The following MAN1C1 variants were observed in gnomAD, a reference collection of about 807,000 sequenced individuals.
MAN1C1 encodes the protein mannosyl-oligosaccharide 1,2-alpha-mannosidase IC.
A neutral mutation model predicts 71.5 loss-of-function variants in MAN1C1; 49 were observed. The ratio of observed to expected loss-of-function variants is 0.69; its 90% CI spans 0.54 to 0.87. The LOEUF (loss-of-function observed/expected upper bound fraction) is 0.87. MAN1C1 is among the 40% of genes least tolerant of loss of function. MAN1C1 has a pLI of 0.00. For missense variants in MAN1C1, 743 were observed against 835.0 expected (o/e 0.89, Z 1.36); for synonymous variants, 352 against 343.7 (o/e 1.02, Z -0.27).
At chr1:25,674,225 T>C (rs1297688731) in intron 1 of MAN1C1, among the ~76,000 whole-genome samples, 1 of 152,360 alleles carries the variant, frequency 6.6e-6, no homozygotes, top group African/African-American at 2.4e-5. Context: ...ATTGGGCCTT[T>C]GATAAATCCT....
At chr1:25,626,977 T>C (rs537218785) in intron 1 of MAN1C1, among the ~76,000 whole-genome samples, 1 of 152,354 alleles carries the variant, frequency 6.6e-6, no homozygotes, top group Admixed American at 6.5e-5. Flanking sequence ...AGGTTATGAA[T>C]ATTTTTTAAT....
chr1:25,622,411 T>C (rs2045228460), intron 1 of MAN1C1, among the ~76,000 whole-genome samples: 1 of 152,208 alleles, frequency 6.6e-6, no homozygotes, highest in Non-Finnish European at 1.5e-5. Flanking sequence ...GGTCTGACAT[T>C]TAGTTGGAAC....
intron 1 of MAN1C1, among the ~76,000 whole-genome samples, chr1:25,675,593 G>T (rs993735558): frequency 2.2e-4 from 32 of 143,282 alleles, no homozygotes; most frequent in South Asian, 1.7e-3. Context: ...GCGGGGGGGG[G>T]GGGAGGTGGT....
intron 2 of MAN1C1, among the ~76,000 whole-genome samples, chr1:25,744,822 A>G (rs1238035727): frequency 6.6e-6 from 1 of 152,200 alleles, no homozygotes; most frequent in Non-Finnish European, 1.5e-5. Context: ...CGCAAAGCCC[A>G]CGCTGCAGAC....
intron 1 of MAN1C1, among the ~76,000 whole-genome samples, chr1:25,654,034 G>A (rs1439525282): frequency 2.6e-5 from 4 of 152,150 alleles, no homozygotes; most frequent in South Asian, 2.1e-4. Context: ...CAGCAGTGCC[G>A]GGACTGGGAA....
chr1:25,658,510 G>A (rs968749894), intron 1 of MAN1C1, among the ~76,000 whole-genome samples: 16 of 152,022 alleles, frequency 1.1e-4, no homozygotes, highest in African/African-American at 3.6e-4. Context: ...GAATACAGTG[G>A]CACCATCTCA....
At position 25,702,021 on chromosome 1, in the gene MAN1C1, CG is replaced by C. The variant is rs369974566; in HGVS notation, c.637+15487del. ...GTTGCAGTGAGCCTAGATCTCACCG[CG>C]GCACTCCAGCCTGGGTGACAGAGCT... On this transcript the variant is annotated intron_variant, in intron 2 of 11. Coordinates refer to ENST00000374332, the MANE Select transcript of MAN1C1 (RefSeq NM_020379.4). Among the ~76,000 whole-genome samples, 746 of 152,266 alleles carry C rather than the reference CG, an allele frequency of 4.9e-3. 3 individuals carry two copies. The highest frequency in any genetic ancestry group is 6.6e-3 in the Non-Finnish European group (450 of 68,030).
chr1:25,618,615 GGT>G (rs1196384011), intron 1 of MAN1C1, among the ~76,000 whole-genome samples: 4 of 151,846 alleles, frequency 2.6e-5, no homozygotes, highest in African/African-American at 9.7e-5. Context: ...CCCAGACTCT[GGT>G]ATGTCGTATC....
At chr1:25,688,750 A>G (rs1227167919) in intron 2 of MAN1C1, among the ~76,000 whole-genome samples, 1 of 152,230 alleles carries the variant, frequency 6.6e-6, no homozygotes, top group Non-Finnish European at 1.5e-5. Flanking sequence ...CTGTTAGTTC[A>G]TCATTCATAT....
In MAN1C1 at chr1:25,769,094, C is replaced by T. The variant is rs950237685; in HGVS notation, c.1142-2563C>T. Among the ~76,000 whole-genome samples, 11 of 146,598 alleles carry T rather than the reference C, an allele frequency of 7.5e-5. No homozygotes were observed. Among genetic ancestry groups the T allele is most frequent in the Admixed American group, 4.7e-4 (7 of 14,758 alleles). ...CACTCCCACACACACACCTATCACC[C>T]ACACTCCCTCCCACACACACACCAC... is the stretch of plus-strand genomic sequence containing the variant. On this transcript the variant is annotated intron_variant, in intron 7 of 11. Transcript: ENST00000374332. The surrounding 1 kb of genome is among the most constrained non-coding windows in gnomAD (Gnocchi z 4.8).
At chr1:25,756,790 G>A (rs1267179998) in intron 5 of MAN1C1, among the ~76,000 whole-genome samples, 1 of 152,140 alleles carries the variant, frequency 6.6e-6, no homozygotes, top group Non-Finnish European at 1.5e-5. Flanking sequence ...CCTTTGCATA[G>A]GGGTATGAAT....
chr1:25,731,138 G>A (rs2046903459), intron 2 of MAN1C1, among the ~76,000 whole-genome samples: 1 of 152,194 alleles, frequency 6.6e-6, no homozygotes, highest in African/African-American at 2.4e-5. Context: ...GCAACATGGC[G>A]AAACCCCGTC....
At chr1:25,687,188 C>T (rs1333559865) in intron 2 of MAN1C1, among the ~76,000 whole-genome samples, 1 of 152,202 alleles carries the variant, frequency 6.6e-6, no homozygotes, top group African/African-American at 2.4e-5. Flanking sequence ...GGAGCAGCCG[C>T]ACATCAGGAG....
chr1:25,697,223 A>G (rs1050025878), intron 2 of MAN1C1, among the ~76,000 whole-genome samples: 1 of 152,062 alleles, frequency 6.6e-6, no homozygotes. Flanking sequence ...GGCAACCACT[A>G]ATCTACTTTC....
intron 1 of MAN1C1, among the ~76,000 whole-genome samples, chr1:25,653,425 C>G (rs2045720503): frequency 6.6e-6 from 1 of 152,188 alleles, no homozygotes; most frequent in Non-Finnish European, 1.5e-5. Flanking sequence ...TACTGCTGGT[C>G]CCTTATTAGG....
intron 7 of MAN1C1, among the ~76,000 whole-genome samples, chr1:25,771,296 A>C (rs1181490391): frequency 2.0e-5 from 3 of 152,250 alleles, no homozygotes; most frequent in African/African-American, 7.2e-5. Context: ...CTGGGTAATA[A>C]AAATCTCTGA....
intron 7 of MAN1C1, among the ~76,000 whole-genome samples, chr1:25,768,555 C>T (rs1429641455): frequency 2.5e-5 from 2 of 79,710 alleles, no homozygotes; most frequent in Admixed American, 1.3e-4. Context: ...ACCACACACA[C>T]ATTACATACA....
At chr1:25,720,546 G>A (rs192666131) in intron 2 of MAN1C1, among the ~76,000 whole-genome samples, 4 of 152,288 alleles carry the variant, frequency 2.6e-5, no homozygotes, top group African/African-American at 9.6e-5. Context: ...TTGTTGAGCT[G>A]TAGAAGTTCT....
chr1:25,686,756 CTG>C (rs1425658590), intron 2 of MAN1C1, among the ~76,000 whole-genome samples: 1 of 152,114 alleles, frequency 6.6e-6, no homozygotes, highest in East Asian at 1.9e-4. Context: ...GCCTTAGAGA[CTG>C]CTTTGTATGA....
Sources: gnomAD v4.1 joint callset for allele counts (sites outside exome capture counted in the v4.1 genomes callset) on GRCh38, gnomAD v4.1.1 for gene constraint, Gnocchi (gnomAD v3.1) non-coding constraint, MANE v1.5 for transcripts, NCBI Gene and HGNC (gene_info 2026-07-23, HGNC 2026-07-21) for gene names.